Variants in ENTREP2 observed in about 807,000 individuals in gnomAD.
ENTREP2 encodes the protein endosomal transmembrane epsin interactor 2.
the ENTREP2 span, among the ~76,000 whole-genome samples, chr15:29,595,079 A>G: frequency 1.4e-5 from 2 of 145,720 alleles, no homozygotes; most frequent in Non-Finnish European, 3.0e-5. Context: ...AAAAAAAAAA[A>G]AAAAAAAAAA....
chr15:29,671,335 C>T, the ENTREP2 span, among the ~76,000 whole-genome samples: 1 of 152,124 alleles, frequency 6.6e-6, no homozygotes, highest in African/African-American at 2.4e-5. Flanking sequence ...CAATTATTGA[C>T]CTGAGGGAGG....
At chr15:29,586,333 T>C in the ENTREP2 span, among the ~76,000 whole-genome samples, 2 of 152,072 alleles carry the variant, frequency 1.3e-5, no homozygotes, top group African/African-American at 2.4e-5. Flanking sequence ...TCTCTACTAA[T>C]GGGTAGAGGT....
the ENTREP2 span, among the ~76,000 whole-genome samples, chr15:29,534,929 T>C: frequency 1.6e-4 from 24 of 152,336 alleles, no homozygotes; most frequent in African/African-American, 5.5e-4. Context: ...GATAATTTAT[T>C]ACATGTGAAG....
At chr15:29,403,935 G>T in the ENTREP2 span, among the ~76,000 whole-genome samples, 1 of 152,180 alleles carries the variant, frequency 6.6e-6, no homozygotes, top group Admixed American at 6.5e-5. Context: ...GCCCCTGGCT[G>T]GCCGCTGCAG....
the ENTREP2 span, among the ~76,000 whole-genome samples, chr15:29,629,155 T>A: frequency 6.6e-6 from 1 of 152,206 alleles, no homozygotes; most frequent in East Asian, 1.9e-4. Context: ...ATCTTTTCCA[T>A]CCTTTTATAT....
chr15:29,458,137 G>A, the ENTREP2 span, among the ~76,000 whole-genome samples: 30 of 152,166 alleles, frequency 2.0e-4, no homozygotes, highest in African/African-American at 6.3e-4. Flanking sequence ...CGGTCAGTCT[G>A]AGTCTAAAGG....
the ENTREP2 span, among the ~76,000 whole-genome samples, chr15:29,630,097 C>T: frequency 6.6e-6 from 1 of 152,126 alleles, no homozygotes; most frequent in Non-Finnish European, 1.5e-5. Flanking sequence ...GCCCGGGTGA[C>T]ACAATGAGAC....
the ENTREP2 span, among the ~76,000 whole-genome samples, chr15:29,182,445 C>T: frequency 6.6e-6 from 1 of 151,950 alleles, no homozygotes; most frequent in Non-Finnish European, 1.5e-5. Flanking sequence ...ATTTTAAACT[C>T]CCTACTTTTC....
chr15:29,617,945 T>C, the ENTREP2 span, among the ~76,000 whole-genome samples: 1 of 152,206 alleles, frequency 6.6e-6, no homozygotes, highest in African/African-American at 2.4e-5. Context: ...CCTCTTGGTC[T>C]CATGTCCTGC....
the ENTREP2 span, among the ~76,000 whole-genome samples, chr15:29,359,552 AG>A: frequency 6.6e-6 from 1 of 152,222 alleles, no homozygotes; most frequent in African/African-American, 2.4e-5. Flanking sequence ...AGCTGGGAAT[AG>A]GGGCATGCAC....
chr15:29,238,228 G>C, the ENTREP2 span, among the ~76,000 whole-genome samples: 11 of 152,272 alleles, frequency 7.2e-5, no homozygotes, highest in Admixed American at 6.5e-4. Flanking sequence ...AAAGGTACAG[G>C]GTTGCTTTTT....
the ENTREP2 span, among the ~76,000 whole-genome samples, chr15:29,665,605 G>A: frequency 1.3e-5 from 2 of 152,200 alleles, no homozygotes; most frequent in Non-Finnish European, 1.5e-5. Context: ...CGCTGACTCT[G>A]AGGAGCTGGC....
the ENTREP2 span, among the ~76,000 whole-genome samples, chr15:29,624,288 A>C: frequency 6.6e-5 from 10 of 152,302 alleles, no homozygotes; most frequent in Admixed American, 2.0e-4. Flanking sequence ...AAAATGATTT[A>C]TCTCTTTCCT....
the ENTREP2 span, among the ~76,000 whole-genome samples, chr15:29,340,287 G>A: frequency 1.3e-5 from 2 of 152,210 alleles, no homozygotes; most frequent in Non-Finnish European, 2.9e-5. Flanking sequence ...AGTTTAGGAG[G>A]TATCAGGAAC....
chr15:29,593,504 G>A, the ENTREP2 span, among the ~76,000 whole-genome samples: 1 of 152,130 alleles, frequency 6.6e-6, no homozygotes, highest in Non-Finnish European at 1.5e-5. Context: ...GGCATACCTA[G>A]GATTTTGTCT....
At chr15:29,247,779 AGGACAGGTAAGCAAAT>A in the ENTREP2 span, among the ~76,000 whole-genome samples, 2 of 152,164 alleles carry the variant, frequency 1.3e-5, no homozygotes, top group Non-Finnish European at 2.9e-5. Flanking sequence ...TCAGTCTGGT[AGGACAGGTAAGCAAAT>A]TATCATCCTC....
the ENTREP2 span, among the ~76,000 whole-genome samples, chr15:29,592,065 A>G: frequency 6.6e-6 from 1 of 152,172 alleles, no homozygotes; most frequent in South Asian, 2.1e-4. Flanking sequence ...TCTAGCTTCC[A>G]CAACTGTGAA....
chr15:29,575,716 A>G, the ENTREP2 span, among the ~76,000 whole-genome samples: 3 of 152,196 alleles, frequency 2.0e-5, no homozygotes, highest in Non-Finnish European at 4.4e-5. Context: ...TACACCAATA[A>G]TGAATAATCT....
At chr15:29,260,446 C>T in the ENTREP2 span, among the ~76,000 whole-genome samples, 4 of 152,116 alleles carry the variant, frequency 2.6e-5, no homozygotes, top group Admixed American at 2.0e-4. Flanking sequence ...GATTCTACTC[C>T]GTGACCAAGT....
Sources: allele counts gnomAD v4.1 joint callset (sites outside exome capture counted in the v4.1 genomes callset), GRCh38; gene constraint gnomAD v4.1.1; transcripts MANE v1.5; gene names NCBI Gene and HGNC (gene_info 2026-07-23, HGNC 2026-07-21).